The following ADAT2 variants were observed in gnomAD, a reference collection of about 807,000 sequenced individuals.
ADAT2 encodes the protein tRNA-specific adenosine-34 deaminase catalytic subunit ADAT2.
ADAT2 carries 26 observed loss-of-function variants against 25.9 expected under a neutral mutation model. The ratio of observed to expected loss-of-function variants is 1.00; its 90% CI spans 0.74 to 1.39. ADAT2 has a LOEUF of 1.39. ADAT2 is among the 40% of genes most tolerant of loss of function. The pLI, the probability that ADAT2 is intolerant of heterozygous loss-of-function variation, is 0.00. For missense variants in ADAT2, 220 were observed against 244.8 expected, an observed-to-expected ratio of 0.90 and a Z score of 0.68; for synonymous variants, 76 against 86.8, an observed-to-expected ratio of 0.88 and a Z score of 0.69.
At position 143,434,652 on chromosome 6, in the gene ADAT2, T is replaced by C. The variant is rs1448796418; in HGVS notation, c.202-671A>G. On this transcript the variant is annotated intron_variant, in intron 2 of 5. Transcript: ENST00000237283. This position sits in a 1 kb window ranked among gnomAD's most constrained non-coding sequence, Gnocchi z 4.5. ...ACTTCTGTAAGTCTAGGATTCCCCA[T>C]ATGTAAAATGGTATACACTGGTATC... Among the ~76,000 whole-genome samples the C allele has an allele frequency of 6.6e-6, 1 of 152,200 alleles. No individual in the cohort carries two copies. The highest frequency in any genetic ancestry group is 2.4e-5 in the African/African-American group (1 of 41,450).
chr6:143,435,679 TTA>T (rs1289623038), intron 2 of ADAT2, among the ~76,000 whole-genome samples: 1 of 152,236 alleles, frequency 6.6e-6, no homozygotes, highest in Non-Finnish European at 1.5e-5. Context: ...AATTGCTGTA[TTA>T]TGTTTATTAC....
In ADAT2 at chr6:143,434,759, C is replaced by G. The variant is rs552566947; in HGVS notation, c.202-778G>C. Among the ~76,000 whole-genome samples the G allele has an allele frequency of 6.6e-6, 1 of 152,300 alleles. No individual in the cohort carries two copies. Among genetic ancestry groups the G allele is most frequent in the South Asian group, 2.1e-4 (1 of 4,830 alleles). Reference sequence around the variant, plus strand: ...ACACATGTACTCTGCTAGCTCTTGTCTCCTTTTCTTTCTCCCTTACTAAAA... The same window carrying G: ...ACACATGTACTCTGCTAGCTCTTGTGTCCTTTTCTTTCTCCCTTACTAAAA... On this transcript the variant is annotated intron_variant, in intron 2 of 5. Transcript: ENST00000237283. This position sits in a 1 kb window ranked among gnomAD's most constrained non-coding sequence, Gnocchi z 4.5.
intron 4 of ADAT2, among the ~76,000 whole-genome samples, chr6:143,430,285 C>A (rs1779068643): frequency 1.3e-5 from 2 of 152,210 alleles, no homozygotes; most frequent in Admixed American, 1.3e-4. Context: ...AGCAGTGGTT[C>A]TCAACCATTG....
chr6:143,436,106 T>C lies in ADAT2; in HGVS notation c.202-2125A>G, dbSNP rs1201053251. The C allele has an allele frequency of 2.0e-5, 3 of 152,322 alleles. No homozygotes were observed. The highest frequency in any genetic ancestry group is 7.2e-5 in the African/African-American group (3 of 41,460). 9.4% of individuals were successfully genotyped at this position (152,322 alleles called of 1,614,324 possible). A position where few individuals can be genotyped will look rare whatever the true frequency, so the allele number is the denominator to read the frequency against. ...TATGAAAGAAAACTGTCTGGAAGAATATGGCAAAATTTTAATAGTTCTGCA... is the reference window on the plus strand; with the variant it reads ...TATGAAAGAAAACTGTCTGGAAGAACATGGCAAAATTTTAATAGTTCTGCA... On this transcript the variant is annotated intron_variant, in intron 2 of 5. Transcript: ENST00000237283. This position sits in a 1 kb window ranked among gnomAD's most constrained non-coding sequence, Gnocchi z 4.1.
chr6:143,450,567 T>C lies in ADAT2; in HGVS notation c.92A>G (p.His31Arg), dbSNP rs199915844. ...ETEKWMEEAM[H>R]MAKEALENTE... ...TCTACCTCCCGGGCTCCTCACCATG[T>C]GCATCGCCTCCTCCATCCACTTTTC... Residue 31 changes from histidine to arginine, a missense_variant, in exon 1 of 6, where the codon CAC becomes CGC. Coordinates refer to ENST00000237283, the MANE Select transcript of ADAT2 (RefSeq NM_182503.3). The C allele has an allele frequency of 1.2e-6, 2 of 1,614,128 alleles. No homozygotes were observed. Among genetic ancestry groups the C allele is most frequent in the South Asian group, 2.2e-5 (2 of 91,086 alleles).
At position 143,437,832 on chromosome 6, in the gene ADAT2, T is replaced by C. The variant is rs1779336502; in HGVS notation, c.201+758A>G. Among the ~76,000 whole-genome samples the C allele has an allele frequency of 6.6e-6, 1 of 152,206 alleles. No homozygotes were observed. ...ATGGCATTACAGGTATAAGTGATCT[T>C]TGAGTCCACCTAGGAATTTTTGTAA... On this transcript the variant is annotated intron_variant, in intron 2 of 5. Coordinates refer to ENST00000237283, the MANE Select transcript of ADAT2 (RefSeq NM_182503.3). The surrounding 1 kb of genome is among the most constrained non-coding windows in gnomAD (Gnocchi z 4.1).
intron 4 of ADAT2, among the ~76,000 whole-genome samples, chr6:143,430,608 C>A (rs1562636539): frequency 6.6e-6 from 1 of 152,134 alleles, no homozygotes; most frequent in Non-Finnish European, 1.5e-5. Flanking sequence ...GTCGCCCAGG[C>A]TGGAGTGCAG....
intron 2 of ADAT2, among the ~76,000 whole-genome samples, chr6:143,435,130 C>T (rs1483854741): frequency 7.1e-6 from 1 of 141,278 alleles, no homozygotes; most frequent in Non-Finnish European, 1.5e-5. Flanking sequence ...CCAAACCTGG[C>T]TGCACACCAA....
At chr6:143,435,211 G>A (rs1779236128) in intron 2 of ADAT2, among the ~76,000 whole-genome samples, 2 of 140,714 alleles carry the variant, frequency 1.4e-5, no homozygotes, top group African/African-American at 2.6e-5. Context: ...CAAAAAATCA[G>A]ATTTAGAATT....
chr6:143,433,984 G>C lies in ADAT2; in HGVS notation c.202-3C>G. 1 of 1,613,890 alleles carries C rather than the reference G, an allele frequency of 6.2e-7. No individual in the cohort carries two copies. Among genetic ancestry groups the C allele is most frequent in the Non-Finnish European group, 8.5e-7 (1 of 1,180,008 alleles). Reference sequence around the variant, plus strand: ...ACCATTTCTGCATGTCGAGTAGCCTGAAAAGAGAAAGGGGCTTGCACTGAT... The same window carrying C: ...ACCATTTCTGCATGTCGAGTAGCCTCAAAAGAGAAAGGGGCTTGCACTGAT... On this transcript the variant is annotated splice_region_variant and splice_polypyrimidine_tract_variant and intron_variant, in intron 2 of 5. Transcript: ENST00000237283.
intron 1 of ADAT2, among the ~76,000 whole-genome samples, chr6:143,448,946 C>T (rs986680141): frequency 2.0e-5 from 3 of 152,126 alleles, no homozygotes; most frequent in Non-Finnish European, 2.9e-5. Flanking sequence ...CCTTTTACGT[C>T]GGAAAGTACT....
rs1779340225 is a variant in ADAT2 at position 143,437,936 on chromosome 6, C to T, written c.201+654G>A. 6.6e-6 allele frequency among the ~76,000 whole-genome samples: 1 copy of T among 152,156 alleles called. No individual in the cohort carries two copies. The highest frequency in any genetic ancestry group is 6.5e-5 in the Admixed American group (1 of 15,274). On this transcript the variant is annotated intron_variant, in intron 2 of 5. Transcript: ENST00000237283. This position sits in a 1 kb window ranked among gnomAD's most constrained non-coding sequence, Gnocchi z 4.1. ...CTATTGTGATACCATGTTTAAGAAGCATTGCCTTGAACCATGAACTTCCCA... is the reference window on the plus strand; with the variant it reads ...CTATTGTGATACCATGTTTAAGAAGTATTGCCTTGAACCATGAACTTCCCA...
At chr6:143,445,057 A>C in intron 1 of ADAT2, 1 of 754,040 alleles carries the variant, frequency 1.3e-6, no homozygotes, top group Non-Finnish European at 1.9e-6. Flanking sequence ...TAAACTATAT[A>C]ACTGTTTCTG....
At position 143,442,631 on chromosome 6, in the gene ADAT2, G is replaced by C. The variant is rs144327819; in HGVS notation, c.97-3937C>G. On this transcript the variant is annotated intron_variant, in intron 1 of 5. Transcript: ENST00000237283. This position sits in a 1 kb window ranked among gnomAD's most constrained non-coding sequence, Gnocchi z 4.6. ...ACCACTGAAGGACACTAGACACTTG[G>C]GTCCTCCCAGTATATTATTATTGTA... Among the ~76,000 whole-genome samples, 484 of 152,000 alleles carry C rather than the reference G, an allele frequency of 3.2e-3. No homozygotes were observed. Among genetic ancestry groups the C allele is most frequent in the African/African-American group, 0.01 (434 of 41,430 alleles).
At position 143,426,259 on chromosome 6, in the gene ADAT2, G is replaced by A. The variant is rs1778931146; in HGVS notation, c.*2204C>T. ...CCGTGTCTAAGTAGCTGGGGAATGT[G>A]GTACTCAGGAAGCTGAATGACCTCA... On this transcript the variant is annotated 3_prime_UTR_variant, in exon 6 of 6. Coordinates refer to ENST00000237283, the MANE Select transcript of ADAT2 (RefSeq NM_182503.3). The surrounding 1 kb of genome is among the most constrained non-coding windows in gnomAD (Gnocchi z 4.1). 1 of 152,156 alleles carries A rather than the reference G, an allele frequency of 6.6e-6. No homozygotes were observed. The highest frequency in any genetic ancestry group is 2.1e-4 in the South Asian group (1 of 4,826). The allele number at this position is 152,156 out of a possible 1,614,324, so 9.4% of individuals were successfully genotyped here.
At position 143,430,816 on chromosome 6, in the gene ADAT2, T is replaced by C. The variant is rs370770357; in HGVS notation, c.459+1689A>G. ...TCCTGACCTCATGATCTGCCCGCCT[T>C]GGCCTCCCAAAGTGCTGGGATTACA... On this transcript the variant is annotated intron_variant, in intron 4 of 5. Transcript: ENST00000237283. 3.2e-3 allele frequency among the ~76,000 whole-genome samples: 484 copies of C among 152,232 alleles called. 3 individuals are homozygous for C. The highest frequency in any genetic ancestry group is 0.02 in the Middle Eastern group (6 of 294).
intron 1 of ADAT2, among the ~76,000 whole-genome samples, chr6:143,439,899 C>T (rs1779408309): frequency 6.6e-6 from 1 of 152,158 alleles, no homozygotes; most frequent in African/African-American, 2.4e-5. Flanking sequence ...CCATGACTAC[C>T]ATCCCAGGAA....
rs1364599462 is a variant in ADAT2 at position 143,424,831 on chromosome 6, C to T, written c.*3632G>A. ...CTTTGAAATTTATGTCATTAATTTTCCTCCTCTCCTTTCCATCAGTGTCAA... is the reference window on the plus strand; with the variant it reads ...CTTTGAAATTTATGTCATTAATTTTTCTCCTCTCCTTTCCATCAGTGTCAA... On this transcript the variant is annotated 3_prime_UTR_variant, in exon 6 of 6. Transcript: ENST00000237283. This position sits in a 1 kb window ranked among gnomAD's most constrained non-coding sequence, Gnocchi z 4.8. The T allele has an allele frequency of 6.6e-6, 1 of 152,114 alleles. No individual in the cohort carries two copies. The highest frequency in any genetic ancestry group is 1.5e-5 in the Non-Finnish European group (1 of 68,014). The allele number at this position is 152,114 out of a possible 1,614,324, so 9.4% of individuals were successfully genotyped here.
At chr6:143,433,539 A>G (rs1032759607) in intron 3 of ADAT2, among the ~76,000 whole-genome samples, 4 of 152,238 alleles carry the variant, frequency 2.6e-5, no homozygotes, top group African/African-American at 9.6e-5. Context: ...AAACTGTTTT[A>G]TAATCCACTT....
Sources: allele counts gnomAD v4.1 joint callset (sites outside exome capture counted in the v4.1 genomes callset), GRCh38; gene constraint gnomAD v4.1.1; non-coding constraint Gnocchi (gnomAD v3.1); transcripts MANE v1.5; gene names NCBI Gene and HGNC (gene_info 2026-07-23, HGNC 2026-07-21).